Variants in NANS observed in about 807,000 individuals in gnomAD.
The protein encoded by NANS is N-acetylneuraminate-9-phosphate synthase.
A neutral mutation model predicts 33.3 loss-of-function variants in NANS; 29 were observed. The observed-to-expected ratio is 0.87, with a 90% CI of 0.65 to 1.19. NANS has a LOEUF of 1.19. NANS is among the 50% of genes most tolerant of loss of function. NANS has a pLI of 0.00. For synonymous variants in NANS, 163 were observed against 177.2 expected (o/e 0.92, Z 0.64); for missense variants, 394 against 461.1 (o/e 0.85, Z 1.33).
At chr9:98,071,417 G>T (rs537877159) in intron 2 of NANS, among the ~76,000 whole-genome samples, 2 of 152,362 alleles carry the variant, frequency 1.3e-5, no homozygotes, top group East Asian at 1.9e-4. Flanking sequence ...CCATGTGGAG[G>T]TTATTTAACC....
At chr9:98,080,146 A>G (rs1317455927) in intron 4 of NANS, among the ~76,000 whole-genome samples, 1 of 152,230 alleles carries the variant, frequency 6.6e-6, no homozygotes, top group Non-Finnish European at 1.5e-5. Flanking sequence ...CCCAGGAGGC[A>G]GAGGTTGCAG....
intron 4 of NANS, among the ~76,000 whole-genome samples, chr9:98,079,977 G>A (rs1242145899): frequency 6.6e-6 from 1 of 152,212 alleles, no homozygotes; most frequent in Non-Finnish European, 1.5e-5. Context: ...ACTTTGGGAG[G>A]CTGAGGCAGG....
chr9:98,057,829 GTTTA>G (rs765783209), intron 1 of NANS, among the ~76,000 whole-genome samples: 1 of 124,102 alleles, frequency 8.1e-6, no homozygotes, highest in Admixed American at 8.8e-5. Flanking sequence ...TTTTTTAAAT[GTTTA>G]TTTATTTATT....
chr9:98,082,896 A>C lies in NANS; in HGVS notation c.921A>C (p.Leu307=). The change falls in exon 6 of 6, where the codon CTA becomes CTC. Residue 307 remains leucine, a synonymous_variant. Coordinates refer to ENST00000210444, the MANE Select transcript of NANS (RefSeq NM_018946.4). ...TGAAAATTCCGGAAGGCACCATTCT[A>C]ACAATGGACATGCTCACCGTGAAGG... ...AKVKIPEGTI[L]TMDMLTVKVG... 1.9e-6 allele frequency: 3 copies of C among 1,614,206 alleles called. 1 individual carries two copies. The highest frequency in any genetic ancestry group is 3.3e-4 in the Middle Eastern group (2 of 6,062).
intron 4 of NANS, among the ~76,000 whole-genome samples, 184 bp downstream of exon 4, chr9:98,078,531 G>A (rs1462578591): frequency 1.3e-5 from 2 of 152,034 alleles, no homozygotes. Flanking sequence ...TCTAAAGAGG[G>A]TGACTGTAAA....
Position 98,082,938 on chromosome 9 carries a change from C to T in NANS, c.963C>T (p.Gly321=). ...CCGTGAAGGTGGGTGAGCCCAAAGGCTATCCTCCTGAAGACATCTTTAATC... is the reference window on the plus strand; with the variant it reads ...CCGTGAAGGTGGGTGAGCCCAAAGGTTATCCTCCTGAAGACATCTTTAATC... ...MLTVKVGEPK[G]YPPEDIFNLV... The change falls in exon 6 of 6, where the codon GGC becomes GGT. Residue 321 remains glycine (G), a synonymous_variant. Coordinates refer to ENST00000210444, the MANE Select transcript of NANS (RefSeq NM_018946.4). 1.2e-6 allele frequency: 2 copies of T among 1,614,186 alleles called. No individual in the cohort carries two copies. Among genetic ancestry groups the T allele is most frequent in the Non-Finnish European group, 1.7e-6 (2 of 1,180,032 alleles).
chr9:98,079,411 G>A (rs114789113), intron 4 of NANS, among the ~76,000 whole-genome samples: 2,245 of 152,048 alleles, frequency 0.015, 55 homozygotes, highest in African/African-American at 0.051. Context: ...TTTCAGTATA[G>A]TATTTGACAT....
intron 2 of NANS, among the ~76,000 whole-genome samples, chr9:98,062,964 T>A (rs1480373897): frequency 6.6e-6 from 1 of 151,838 alleles, no homozygotes; most frequent in East Asian, 1.9e-4. Flanking sequence ...TGAGATGGAG[T>A]CTCACTCTGT....
At chr9:98,074,616 T>C (rs1829499929) in intron 2 of NANS, 1 of 152,200 alleles carries the variant, frequency 6.6e-6, no homozygotes, top group Non-Finnish European at 1.5e-5. Flanking sequence ...CCCTTCCCTT[T>C]CCAGCAGGAA....
chr9:98,061,116 A>G (rs1011854965), intron 2 of NANS, 119 bp downstream of exon 2: 2 of 956,704 alleles, frequency 2.1e-6, no homozygotes, highest in Non-Finnish European at 3.2e-6. Context: ...GTTCCCAGCT[A>G]CTGGAGAGGC....
At position 98,059,573 on chromosome 9, in the gene NANS, CCTGG is replaced by C. The variant is rs538812166; in HGVS notation, c.133-1206_133-1203del. On this transcript the variant is annotated intron_variant, in intron 1 of 5. Transcript: ENST00000210444. ...GGGACTACAAGCGTATGCCACCATG[CCTGG>C]CTAATTTTTATATTTTTTGTAGAGA... 1.4e-3 allele frequency among the ~76,000 whole-genome samples: 219 copies of C among 152,160 alleles called. 1 individual carries two copies. The highest frequency in any genetic ancestry group is 8.4e-4 in the Non-Finnish European group (57 of 67,986).
chr9:98,073,652 A>G (rs1260569629), intron 2 of NANS, among the ~76,000 whole-genome samples: 2 of 151,626 alleles, frequency 1.3e-5, no homozygotes, highest in African/African-American at 4.8e-5. Context: ...GGACTTTAGA[A>G]AAATCTCAGC....
intron 2 of NANS, among the ~76,000 whole-genome samples, chr9:98,070,159 G>A (rs1478471743): frequency 2.0e-5 from 3 of 151,980 alleles, no homozygotes; most frequent in Non-Finnish European, 2.9e-5. Flanking sequence ...TTGCTGTCAC[G>A]CAGGCTGGAG....
intron 2 of NANS, 25 bp from the exon 3 acceptor site, chr9:98,076,893 G>A: frequency 6.3e-7 from 1 of 1,575,224 alleles, no homozygotes; most frequent in Non-Finnish European, 8.7e-7. Context: ...ATGGTGAAAA[G>A]GAGCTCCCTC....
chr9:98,058,371 C>CA (rs576335504), intron 1 of NANS, among the ~76,000 whole-genome samples: 236 of 152,292 alleles, frequency 1.5e-3, no homozygotes, highest in African/African-American at 5.4e-3. Flanking sequence ...ATTTTTACAA[C>CA]AACCCAATGC....
rs397837187 is a variant in NANS at position 98,065,483 on chromosome 9, A to ATTTTTTTTTT, written c.348+4504_348+4513dup. ...AGGCGTCCACCACCATGCCCAGCTAATTTTTTTTTTTTTTTTTTTTTTTTT... is the reference window on the plus strand; with the variant it reads ...AGGCGTCCACCACCATGCCCAGCTAATTTTTTTTTTTTTTTTTTTTTTTTTTTTTTTTTTT... On this transcript the variant is annotated intron_variant, in intron 2 of 5. Transcript: ENST00000210444. 3.6e-3 allele frequency among the ~76,000 whole-genome samples: 212 copies of ATTTTTTTTTT among 58,628 alleles called. 7 individuals carry two copies. The highest frequency in any genetic ancestry group is 7.4e-3 in the Admixed American group (28 of 3,768). 38.5% of individuals were successfully genotyped at this position (58,628 alleles called of 152,430 possible).
At chr9:98,072,063 G>C (rs1226286313) in intron 2 of NANS, among the ~76,000 whole-genome samples, 1 of 152,212 alleles carries the variant, frequency 6.6e-6, no homozygotes, top group East Asian at 1.9e-4. Flanking sequence ...CTTGGTGTCT[G>C]TGATGGGTGT....
intron 5 of NANS, chr9:98,082,191 G>A (rs898282141): frequency 1.2e-4 from 19 of 152,142 alleles, no homozygotes; most frequent in African/African-American, 4.3e-4. Flanking sequence ...CCCCTTCCTC[G>A]GGGGCTCCTT....
intron 2 of NANS, 107 bp from the exon 3 acceptor site, chr9:98,076,811 A>G (rs564767594): frequency 1.8e-5 from 15 of 828,538 alleles, no homozygotes; most frequent in Non-Finnish European, 2.9e-5. Context: ...GCGTCCCTCT[A>G]CTGCCTAAGA....
Sources: allele counts gnomAD v4.1 joint callset (sites outside exome capture counted in the v4.1 genomes callset), GRCh38; gene constraint gnomAD v4.1.1; transcripts MANE v1.5; gene names NCBI Gene and HGNC (gene_info 2026-07-23, HGNC 2026-07-21).